Variants in TMCO1 observed in about 807,000 individuals in gnomAD.
TMCO1 encodes the protein calcium load-activated calcium channel.
Under a neutral mutation model 29.3 loss-of-function variants are expected in TMCO1, and 29 were observed. The ratio of observed to expected loss-of-function variants is 0.99; its 90% CI spans 0.74 to 1.35. TMCO1 has a LOEUF of 1.35. Ranked by LOEUF, TMCO1 falls within the 40% of genes most tolerant of loss-of-function variation. The pLI, the probability that TMCO1 is intolerant of heterozygous loss-of-function variation, is 0.00. For missense variants in TMCO1, 173 were observed against 225.5 expected (o/e 0.77, Z 1.49); for synonymous variants, 80 against 77.1 (o/e 1.04, Z -0.20).
In TMCO1 at chr1:165,752,573, A is replaced by T. The variant is rs573735416; in HGVS notation, c.256-404T>A. Among the ~76,000 whole-genome samples, 3 of 150,574 alleles carry T rather than the reference A, an allele frequency of 2.0e-5. No homozygotes were observed. The East Asian group carries it at 5.9e-4, about 30-fold the overall frequency. ...CCCAGCCTCACGTCATTTTTTTTTT[A>T]AATCTCCGTAGCAGTTCAAGACCAG... On this transcript the variant is annotated intron_variant, in intron 4 of 6. Transcript: ENST00000367881.
chr1:165,761,426 T>A (rs1652399960), intron 2 of TMCO1, among the ~76,000 whole-genome samples: 5 of 151,864 alleles, frequency 3.3e-5, no homozygotes, highest in Non-Finnish European at 7.4e-5. Context: ...TCCCAGCTAC[T>A]CAGGAGGCTG....
chr1:165,749,260 T>C (rs1171783537), intron 5 of TMCO1, among the ~76,000 whole-genome samples: 2 of 147,334 alleles, frequency 1.4e-5, no homozygotes, highest in Non-Finnish European at 3.0e-5. Context: ...ATATTACTCA[T>C]ATAAGAAAAT....
At chr1:165,728,406 G>A (rs558238510) in intron 6 of TMCO1, among the ~76,000 whole-genome samples, 3 of 151,852 alleles carry the variant, frequency 2.0e-5, no homozygotes, top group South Asian at 2.1e-4. Flanking sequence ...ACAGGTGCCC[G>A]CCACCACACC....
downstream of TMCO1, chr1:165,726,339 C>CTCCTTAT (rs766470179): frequency 3.8e-5 from 26 of 685,562 alleles, no homozygotes; most frequent in Non-Finnish European, 1.1e-5. Flanking sequence ...CCCACGTTGA[C>CTCCTTAT]TACTTTGTAA....
At chr1:165,741,351 T>G (rs1299928063) in intron 6 of TMCO1, among the ~76,000 whole-genome samples, 1 of 152,262 alleles carries the variant, frequency 6.6e-6, no homozygotes, top group Non-Finnish European at 1.5e-5. Context: ...AATAGTCTTT[T>G]GATATTTCTG....
At chr1:165,732,717 A>T (rs1249530605) in intron 6 of TMCO1, among the ~76,000 whole-genome samples, 1 of 152,266 alleles carries the variant, frequency 6.6e-6, no homozygotes, top group Non-Finnish European at 1.5e-5. Flanking sequence ...GGGGCAAGGC[A>T]TATATATGAA....
chr1:165,763,074 C>G (rs1369724679), intron 2 of TMCO1, among the ~76,000 whole-genome samples: 2 of 152,160 alleles, frequency 1.3e-5, no homozygotes, highest in African/African-American at 4.8e-5. Flanking sequence ...CAACAGTATT[C>G]TTCTAAAAAT....
intron 3 of TMCO1, among the ~76,000 whole-genome samples, chr1:165,756,725 T>C (rs1652205297): frequency 1.3e-5 from 2 of 152,010 alleles, no homozygotes; most frequent in South Asian, 4.1e-4. Context: ...TCCGGAACAC[T>C]GAATATTGCT....
chr1:165,758,258 C>G (rs780225834), intron 3 of TMCO1, among the ~76,000 whole-genome samples: 12 of 152,048 alleles, frequency 7.9e-5, no homozygotes, highest in Non-Finnish European at 1.6e-4. Context: ...CCTTAAATTT[C>G]TGTTCCTCAA....
At chr1:165,750,490 G>C (rs982853116) in intron 5 of TMCO1, among the ~76,000 whole-genome samples, 3 of 145,352 alleles carry the variant, frequency 2.1e-5, no homozygotes, top group African/African-American at 5.2e-5. Flanking sequence ...GCAGTGTGTT[G>C]AGACCAGGCC....
intron 5 of TMCO1, among the ~76,000 whole-genome samples, chr1:165,745,839 A>G (rs1444179756): frequency 6.6e-6 from 1 of 152,212 alleles, no homozygotes; most frequent in Non-Finnish European, 1.5e-5. Context: ...GGGTACAAAG[A>G]CCAGAACAAA....
downstream of TMCO1, chr1:165,725,550 G>A (rs756965176): frequency 2.2e-6 from 1 of 454,076 alleles, no homozygotes; most frequent in South Asian, 1.6e-5. Context: ...AGTAATGGCT[G>A]TTTTTCTTCC....
In TMCO1 at chr1:165,754,290, G is replaced by A; in HGVS notation, c.209-16C>T. ...TCTTGTCTCTCTGCAAAGAATTAAT[G>A]AGATGGTTAATACATACAATGCTGA... On this transcript the variant is annotated splice_polypyrimidine_tract_variant and intron_variant, in intron 3 of 6. Coordinates refer to ENST00000367881, the MANE Select transcript of TMCO1 (RefSeq NM_019026.6). 5 of 1,601,386 alleles carry A rather than the reference G, an allele frequency of 3.1e-6. No homozygotes were observed. Among genetic ancestry groups the A allele is most frequent in the Non-Finnish European group, 4.3e-6 (5 of 1,169,116 alleles).
At chr1:165,761,365 T>A (rs9659840) in intron 2 of TMCO1, among the ~76,000 whole-genome samples, 36,211 of 151,602 alleles carry the variant, frequency 0.24, 4,512 homozygotes, top group South Asian at 0.34. Context: ...CAAGACTCTG[T>A]CTCTATAAAA....
At chr1:165,750,867 T>C (rs2101805528) in intron 5 of TMCO1, among the ~76,000 whole-genome samples, 1 of 151,816 alleles carries the variant, frequency 6.6e-6, no homozygotes, top group African/African-American at 2.4e-5. Context: ...GTCAGGAATT[T>C]GAGACCAGCC....
intron 5 of TMCO1, among the ~76,000 whole-genome samples, chr1:165,750,138 G>A (rs1488824536): frequency 6.6e-6 from 1 of 151,932 alleles, no homozygotes; most frequent in East Asian, 1.9e-4. Flanking sequence ...ATATACCAAA[G>A]TTTAACTCAC....
In TMCO1 at chr1:165,742,037, A is replaced by G. The variant is rs558644850; in HGVS notation, c.468+1130T>C. Among the ~76,000 whole-genome samples, 16 of 152,348 alleles carry G rather than the reference A, an allele frequency of 1.1e-4. 1 individual carries two copies. The South Asian group carries it at 3.1e-3, about 30-fold the overall frequency. On this transcript the variant is annotated intron_variant, in intron 6 of 6. Transcript: ENST00000367881. ...GGTATTTCTTTATAGCAATGCAAGA[A>G]CAAACTAATACACAGGGCAACCAAA... is the stretch of plus-strand genomic sequence containing the variant.
intron 2 of TMCO1, among the ~76,000 whole-genome samples, chr1:165,760,418 G>A (rs1256753626): frequency 7.3e-6 from 1 of 136,164 alleles, no homozygotes; most frequent in Non-Finnish European, 1.5e-5. Flanking sequence ...GCAATAGAGC[G>A]AGACTCTGTT....
At chr1:165,749,662 T>TTAAA (rs1253987933) in intron 5 of TMCO1, among the ~76,000 whole-genome samples, 1 of 151,998 alleles carries the variant, frequency 6.6e-6, no homozygotes, top group Non-Finnish European at 1.5e-5. Flanking sequence ...AAACCTGTCT[T>TTAAA]TAAATAAATA....
Sources: allele counts gnomAD v4.1 joint callset (sites outside exome capture counted in the v4.1 genomes callset), GRCh38; gene constraint gnomAD v4.1.1; transcripts MANE v1.5; gene names NCBI Gene and HGNC (gene_info 2026-07-23, HGNC 2026-07-21).